The following APBA2 variants were observed in gnomAD, a reference collection of about 807,000 sequenced individuals.
APBA2 encodes the protein amyloid-beta A4 precursor protein-binding family A member 2.
APBA2 carries 30 observed loss-of-function variants against 75.0 expected under a neutral mutation model. The ratio of observed to expected loss-of-function variants is 0.40; its 90% confidence interval spans 0.30 to 0.54. The LOEUF is 0.54. Ranked by LOEUF, APBA2 falls within the 20% of genes least tolerant of loss-of-function variation. APBA2 has a pLI of 0.49. For synonymous variants in APBA2, 444 were observed against 409.6 expected, an observed-to-expected ratio of 1.08 and a Z score of -1.01; for missense variants, 801 against 1,016.1, an observed-to-expected ratio of 0.79 and a Z score of 2.88.
chr15:29,021,329 A>AC (rs2039943718), intron 3 of APBA2, among the ~76,000 whole-genome samples: 1 of 152,106 alleles, frequency 6.6e-6, no homozygotes, highest in South Asian at 2.1e-4. Flanking sequence ...AGGAGTTGAG[A>AC]CCAGCCTGGC....
At chr15:29,060,842 G>A (rs936377501) in intron 4 of APBA2, among the ~76,000 whole-genome samples, 9 of 151,934 alleles carry the variant, frequency 5.9e-5, no homozygotes, top group East Asian at 3.9e-4. Flanking sequence ...AGCAAGGCTC[G>A]TATTGTGTGA....
chr15:29,078,408 C>G lies in APBA2; in HGVS notation c.1069+2317C>G, dbSNP rs181629373. ...TGGGTGGATCACAAGGTCAGGAGTT[C>G]AAGACCAGCTTGACCAATATGGTGA... is the stretch of plus-strand genomic sequence containing the variant. On this transcript the variant is annotated intron_variant, in intron 6 of 14. Transcript: ENST00000683413. 8.9e-3 allele frequency among the ~76,000 whole-genome samples: 1,347 copies of G among 152,138 alleles called. 31 individuals are homozygous for G. The highest frequency in any genetic ancestry group is 0.03 in the African/African-American group (1,259 of 41,508).
At chr15:28,957,375 G>A (rs1343362284) in intron 2 of APBA2, among the ~76,000 whole-genome samples, 3 of 152,198 alleles carry the variant, frequency 2.0e-5, no homozygotes, top group East Asian at 1.9e-4. Flanking sequence ...TACTGCGCCC[G>A]GCCTGAGCTC....
intron 3 of APBA2, among the ~76,000 whole-genome samples, chr15:29,011,816 T>G (rs1024807198): frequency 2.0e-5 from 3 of 152,242 alleles, no homozygotes; most frequent in Admixed American, 6.5e-5. Context: ...AATTCTCCCT[T>G]TATAAATTTT....
chr15:28,940,087 C>T (rs1341605836), intron 2 of APBA2, among the ~76,000 whole-genome samples: 2 of 152,114 alleles, frequency 1.3e-5, no homozygotes, highest in Non-Finnish European at 2.9e-5. Context: ...ATTGTTATTC[C>T]TAGCATGTTT....
intron 3 of APBA2, among the ~76,000 whole-genome samples, chr15:28,999,614 G>A (rs2038737770): frequency 6.6e-6 from 1 of 152,106 alleles, no homozygotes; most frequent in African/African-American, 2.4e-5. Context: ...AACCCCTTTA[G>A]AGAACAATTA....
intron 2 of APBA2, among the ~76,000 whole-genome samples, chr15:28,984,713 A>G (rs1388363457): frequency 3.3e-5 from 5 of 149,598 alleles, no homozygotes; most frequent in Non-Finnish European, 7.4e-5. Context: ...CTCCACTGCC[A>G]TCTCTGGGGG....
intron 3 of APBA2, among the ~76,000 whole-genome samples, chr15:29,030,195 C>T (rs2040418520): frequency 6.6e-6 from 1 of 152,170 alleles, no homozygotes; most frequent in South Asian, 2.1e-4. Context: ...CCCGGTGGCT[C>T]ACGCCTGTAA....
intron 2 of APBA2, chr15:28,976,984 T>G (rs1010986308): frequency 9.2e-5 from 14 of 152,230 alleles, no homozygotes; most frequent in Non-Finnish European, 1.6e-4. Flanking sequence ...ACTAATTAAA[T>G]TTCCTTAACA....
At chr15:28,950,576 G>A (rs1370192788) in intron 2 of APBA2, among the ~76,000 whole-genome samples, 4 of 150,820 alleles carry the variant, frequency 2.7e-5, no homozygotes, top group Non-Finnish European at 4.4e-5. Context: ...GCAGTGAGCT[G>A]AGATCACGCC....
intron 2 of APBA2, chr15:28,990,582 C>T (rs2038176524): frequency 6.6e-6 from 1 of 152,200 alleles, no homozygotes; most frequent in Non-Finnish European, 1.5e-5. Context: ...TAGATAACAT[C>T]TGTGAGTCTG....
chr15:29,108,552 G>T (rs2044561034), intron 13 of APBA2, 163 bp downstream of exon 13: 2 of 1,110,798 alleles, frequency 1.8e-6, no homozygotes, highest in East Asian at 5.1e-5. Flanking sequence ...AACTTTCCAT[G>T]GCTCTCTGGG....
chr15:28,981,802 ACAC>A (rs1473422819), intron 2 of APBA2, among the ~76,000 whole-genome samples: 3 of 152,244 alleles, frequency 2.0e-5, no homozygotes, highest in African/African-American at 7.2e-5. Flanking sequence ...TGGTACATAT[ACAC>A]CATGGAATAC....
At chr15:28,908,005 A>G (rs1040297017) in intron 1 of APBA2, among the ~76,000 whole-genome samples, 1 of 152,236 alleles carries the variant, frequency 6.6e-6, no homozygotes, top group African/African-American at 2.4e-5. Flanking sequence ...CCATTGGTGA[A>G]AATATCCTCT....
intron 2 of APBA2, among the ~76,000 whole-genome samples, chr15:28,930,666 A>G (rs565353380): frequency 2.6e-5 from 4 of 152,190 alleles, no homozygotes; most frequent in African/African-American, 9.6e-5. Flanking sequence ...TCTCTCCACA[A>G]GTGGGCTGGG....
intron 2 of APBA2, among the ~76,000 whole-genome samples, chr15:28,978,044 C>T (rs1664173055): frequency 6.6e-6 from 1 of 152,206 alleles, no homozygotes; most frequent in Non-Finnish European, 1.5e-5. Flanking sequence ...ACCAAACAAT[C>T]TCTCAAAGGG....
chr15:29,009,888 A>G (rs1044721568), intron 3 of APBA2, among the ~76,000 whole-genome samples: 1 of 152,180 alleles, frequency 6.6e-6, no homozygotes, highest in Admixed American at 6.5e-5. Context: ...TTTGTTGTAC[A>G]CATGATTGCA....
chr15:29,063,838 A>G (rs2042258620), intron 4 of APBA2, among the ~76,000 whole-genome samples: 1 of 151,942 alleles, frequency 6.6e-6, no homozygotes, highest in Admixed American at 6.6e-5. Flanking sequence ...ACACTAGTGG[A>G]CCTGTCCTCG....
intron 3 of APBA2, among the ~76,000 whole-genome samples, chr15:29,040,767 C>T (rs1014309487): frequency 2.0e-5 from 3 of 152,074 alleles, no homozygotes; most frequent in Non-Finnish European, 2.9e-5. Context: ...CATATTAAAG[C>T]GATCTGGGAT....
Sources: allele counts gnomAD v4.1 joint callset (sites outside exome capture counted in the v4.1 genomes callset), GRCh38; gene constraint gnomAD v4.1.1; transcripts MANE v1.5; gene names NCBI Gene and HGNC (gene_info 2026-07-23, HGNC 2026-07-21).